Variants in PDE1A observed in about 807,000 individuals in gnomAD.
The protein encoded by PDE1A is dual specificity calcium/calmodulin-dependent 3',5'-cyclic nucleotide phosphodiesterase 1A.
Under a neutral mutation model 61.7 loss-of-function variants are expected in PDE1A, and 35 were observed. That is an observed-to-expected ratio of 0.57 (90% confidence interval 0.43 to 0.75). PDE1A has a LOEUF of 0.75. Among genes scored for constraint, PDE1A ranks in the 30% least tolerant of loss-of-function variants. PDE1A has a pLI of 0.00. For synonymous variants in PDE1A, 232 were observed against 213.2 expected (o/e 1.09, Z -0.77); for missense variants, 597 against 630.6 (o/e 0.95, Z 0.57).
intron 2 of PDE1A, among the ~76,000 whole-genome samples, chr2:182,458,340 C>A (rs1322393385): frequency 6.6e-6 from 1 of 152,002 alleles, no homozygotes; most frequent in Non-Finnish European, 1.5e-5. Context: ...GTATTCAGCA[C>A]ATTGTCTGTG....
chr2:182,181,158 A>G (rs1447089992), intron 13 of PDE1A, among the ~76,000 whole-genome samples: 1 of 151,984 alleles, frequency 6.6e-6, no homozygotes, highest in Non-Finnish European at 1.5e-5. Flanking sequence ...CATTTGGAGG[A>G]GAAGAGGCAT....
At chr2:182,639,472 G>A in the PDE1A span, among the ~76,000 whole-genome samples, 1 of 152,166 alleles carries the variant, frequency 6.6e-6, no homozygotes, top group Admixed American at 6.5e-5. Context: ...GGAGGTCGAG[G>A]CAGGAGAATC....
chr2:182,498,899 C>T (rs189415195), intron 2 of PDE1A, among the ~76,000 whole-genome samples: 3 of 151,854 alleles, frequency 2.0e-5, no homozygotes, highest in African/African-American at 4.8e-5. Context: ...AGCGGAAATG[C>T]GCCACTGCAC....
At chr2:182,443,503 G>A (rs1420050203) in intron 2 of PDE1A, among the ~76,000 whole-genome samples, 3 of 151,756 alleles carry the variant, frequency 2.0e-5, no homozygotes, top group South Asian at 2.1e-4. Context: ...TAGTGAGTGT[G>A]TTCTCATATA....
upstream of PDE1A, among the ~76,000 whole-genome samples, chr2:182,429,587 C>G (rs778348151): frequency 1.3e-5 from 2 of 152,080 alleles, no homozygotes; most frequent in African/African-American, 2.4e-5. Flanking sequence ...ATCGTCCTAA[C>G]TGGTGCTCAA....
intron 4 of PDE1A, among the ~76,000 whole-genome samples, chr2:182,233,407 C>T (rs1689741759): frequency 6.6e-6 from 1 of 151,988 alleles, no homozygotes; most frequent in African/African-American, 2.4e-5. Context: ...CTAGTGTCCC[C>T]TCTGATCTGA....
the PDE1A span, among the ~76,000 whole-genome samples, chr2:182,632,629 G>A: frequency 2.5e-4 from 38 of 152,180 alleles, no homozygotes; most frequent in African/African-American, 8.7e-4. Context: ...CTAGACTTAT[G>A]AAAATGTCCT....
chr2:182,334,362 T>C (rs969519326), intron 1 of PDE1A, among the ~76,000 whole-genome samples: 1 of 150,344 alleles, frequency 6.7e-6, no homozygotes, highest in African/African-American at 2.4e-5. Context: ...TGAACATCGA[T>C]GCAAAAATCC....
chr2:182,548,528 T>C, the PDE1A span, among the ~76,000 whole-genome samples: 2 of 152,162 alleles, frequency 1.3e-5, no homozygotes, highest in African/African-American at 4.8e-5. Flanking sequence ...TGGGAGTTTA[T>C]TCAAAAACAC....
At chr2:182,184,448 TAAAA>T (rs201234645) in intron 13 of PDE1A, among the ~76,000 whole-genome samples, 3 of 151,162 alleles carry the variant, frequency 2.0e-5, no homozygotes, top group African/African-American at 4.9e-5. Context: ...AGTGCTAAAA[TAAAA>T]AAAAATCATT....
chr2:182,192,965 A>G (rs1457369729), intron 10 of PDE1A, among the ~76,000 whole-genome samples: 11 of 151,988 alleles, frequency 7.2e-5, no homozygotes, highest in Admixed American at 7.2e-4. Context: ...AACCAAAAAA[A>G]TTTCTATAGT....
At chr2:182,199,044 G>C (rs1686382239) in intron 10 of PDE1A, among the ~76,000 whole-genome samples, 1 of 151,826 alleles carries the variant, frequency 6.6e-6, no homozygotes, top group Non-Finnish European at 1.5e-5. Flanking sequence ...TGAATATTCA[G>C]ACTACATGAT....
chr2:182,689,246 C>T, the PDE1A span, among the ~76,000 whole-genome samples: 37 of 152,300 alleles, frequency 2.4e-4, no homozygotes, highest in African/African-American at 8.2e-4. Flanking sequence ...GACCACACCG[C>T]ACTTATTCCA....
At chr2:182,494,680 G>A (rs1302419175) in intron 2 of PDE1A, among the ~76,000 whole-genome samples, 1 of 151,912 alleles carries the variant, frequency 6.6e-6, no homozygotes, top group African/African-American at 2.4e-5. Flanking sequence ...GTAATAATCA[G>A]AATTCCATTT....
the PDE1A span, among the ~76,000 whole-genome samples, chr2:182,608,595 G>C: frequency 2.6e-5 from 4 of 152,240 alleles, no homozygotes; most frequent in African/African-American, 9.6e-5. Flanking sequence ...ACCTGGGCCA[G>C]CAGCTGCTGT....
At chr2:182,145,053 G>T (rs1690422852), downstream of PDE1A, among the ~76,000 whole-genome samples, 1 of 152,148 alleles carries the variant, frequency 6.6e-6, no homozygotes, top group African/African-American at 2.4e-5. Flanking sequence ...GTTGTTTTTA[G>T]ACCTCACTCA....
chr2:182,668,050 A>G, the PDE1A span, among the ~76,000 whole-genome samples: 2 of 152,180 alleles, frequency 1.3e-5, no homozygotes, highest in African/African-American at 4.8e-5. Flanking sequence ...GGGAAAAGAG[A>G]TTCCTAAATG....
At chr2:182,608,709 G>A in the PDE1A span, among the ~76,000 whole-genome samples, 40 of 152,318 alleles carry the variant, frequency 2.6e-4, no homozygotes, top group African/African-American at 9.6e-4. Context: ...CGCCTCCGGA[G>A]CCTCCCCGAC....
the PDE1A span, among the ~76,000 whole-genome samples, chr2:182,692,051 T>C: frequency 6.6e-6 from 1 of 152,146 alleles, no homozygotes; most frequent in African/African-American, 2.4e-5. Flanking sequence ...TGTGGAGATA[T>C]AGGAACACTT....
Sources: allele counts gnomAD v4.1 joint callset (sites outside exome capture counted in the v4.1 genomes callset), GRCh38; gene constraint gnomAD v4.1.1; transcripts MANE v1.5; gene names NCBI Gene and HGNC (gene_info 2026-07-23, HGNC 2026-07-21).